The following CCDC85C variants were observed in gnomAD, a reference collection of about 807,000 sequenced individuals.
The protein encoded by CCDC85C is coiled-coil domain containing 85C, also known as coiled-coil domain-containing protein 85C.
CCDC85C carries 18 observed loss-of-function variants against 38.3 expected under a neutral mutation model. The observed-to-expected ratio is 0.47, with a 90% CI of 0.33 to 0.70. The LOEUF (loss-of-function observed/expected upper bound fraction) is 0.70, where lower values mean the gene tolerates loss of function less well. Ranked by LOEUF, CCDC85C falls within the 30% of genes least tolerant of loss-of-function variation. The pLI is 0.03. For missense variants in CCDC85C, 566 were observed against 621.2 expected (o/e 0.91, Z 0.94); for synonymous variants, 264 against 293.8 (o/e 0.90, Z 1.04).
rs1897011500 is a variant in CCDC85C, at chr14:99,507,754, CT to C, written c.*7491del. The C allele has an allele frequency of 6.5e-6, 1 of 153,600 alleles. No individual in the cohort carries two copies. Among genetic ancestry groups the C allele is most frequent in the Admixed American group, 6.4e-5 (1 of 15,538 alleles). The allele number at this position is 153,600 out of a possible 1,614,324, so 9.5% of individuals were successfully genotyped here. On this transcript the variant is annotated 3_prime_UTR_variant, in exon 6 of 6. Coordinates refer to ENST00000380243, the MANE Select transcript of CCDC85C (RefSeq NM_001144995.2). ...TGTGGCTACTAGGCTCCGGCCGCCC[CT>C]ACACCTGCTTCCTATTGGCAGTGTG...
rs1166763913 is a variant in CCDC85C, at chr14:99,576,037, A to G, written c.793+27130T>C. Among the ~76,000 whole-genome samples the G allele has an allele frequency of 2.6e-5, 4 of 151,960 alleles. No individual in the cohort carries two copies. The highest frequency in any genetic ancestry group is 9.7e-5 in the African/African-American group (4 of 41,350). On this transcript the variant is annotated intron_variant, in intron 1 of 5. Transcript: ENST00000380243. The surrounding 1 kb of genome is among the most constrained non-coding windows in gnomAD (Gnocchi z 4.8). ...CCGGGGGAAACCCGCTGCTGTGACC[A>G]CCCCACTCCTCCAAACCTCACCGAT...
Position 99,603,778 on chromosome 14 carries a change from T to C in CCDC85C, c.182A>G (p.Gln61Arg). ...GCCGCGGATCTCCAGCAGGTGCTGC[T>C]GCAGCCGCCGGTTCACGTCGCGCAT... ...GLMRDVNRRL[Q>R]QHLLEIRGLK... Residue 61 changes from glutamine to arginine, a missense_variant, in exon 1 of 6, where the codon CAG (glutamine) becomes CGG (arginine). Around this residue, in one of 3 missense-constraint regions of CCDC85C, gnomAD observed 269 missense variants for 308.2 expected, o/e 0.87. Transcript: ENST00000380243. The surrounding 1 kb of genome is among the most constrained non-coding windows in gnomAD (Gnocchi z 7.5). 6.6e-7 allele frequency: 1 copy of C among 1,526,236 alleles called. No individual in the cohort carries two copies. The highest frequency in any genetic ancestry group is 8.8e-7 in the Non-Finnish European group (1 of 1,142,744). 94.5% of individuals were successfully genotyped at this position (1,526,236 alleles called of 1,614,324 possible).
Position 99,532,212 on chromosome 14 carries a change from G to A in CCDC85C, c.867+3803C>T, listed in dbSNP as rs138902282. Among the ~76,000 whole-genome samples, 5 of 152,348 alleles carry A rather than the reference G, an allele frequency of 3.3e-5. No homozygotes were observed. In the East Asian group the frequency reaches 9.6e-4, roughly 29 times the overall value. Reference sequence around the variant, plus strand: ...CAGCCCAGGGACTGAGAGAGCTCAGGGCAAGCACCAGGCCACCTGTGGGTA... The same window carrying A: ...CAGCCCAGGGACTGAGAGAGCTCAGAGCAAGCACCAGGCCACCTGTGGGTA... On this transcript the variant is annotated intron_variant, in intron 2 of 5. Transcript: ENST00000380243.
chr14:99,591,734 CTTT>C (rs66657278), intron 1 of CCDC85C, among the ~76,000 whole-genome samples: 2 of 130,454 alleles, frequency 1.5e-5, no homozygotes, highest in Non-Finnish European at 1.6e-5. Context: ...GGTTTCTTTT[CTTT>C]TTTTTTTTTT....
chr14:99,546,670 T>C lies in CCDC85C; in HGVS notation c.794-10582A>G, dbSNP rs149933411. 3.5e-3 allele frequency among the ~76,000 whole-genome samples: 534 copies of C among 152,052 alleles called. 7 individuals carry two copies. Among genetic ancestry groups the C allele is most frequent in the African/African-American group, 0.012 (510 of 41,444 alleles). Reference sequence around the variant, plus strand: ...ACCAGACTCTACAGGAAAGATAACATAGCCACGTGGAGAGGCAAGGTGGAG... The same window carrying C: ...ACCAGACTCTACAGGAAAGATAACACAGCCACGTGGAGAGGCAAGGTGGAG... On this transcript the variant is annotated intron_variant, in intron 1 of 5. Transcript: ENST00000380243.
intron 2 of CCDC85C, among the ~76,000 whole-genome samples, chr14:99,524,627 T>C (rs1262575555): frequency 6.6e-6 from 1 of 152,242 alleles, no homozygotes; most frequent in African/African-American, 2.4e-5. Flanking sequence ...ATGTGACTAA[T>C]GGCGCATCAA....
At chr14:99,587,893 A>G (rs551311469) in intron 1 of CCDC85C, among the ~76,000 whole-genome samples, 54 of 152,256 alleles carry the variant, frequency 3.5e-4, no homozygotes, top group African/African-American at 1.2e-3. Flanking sequence ...AGCCACAGAA[A>G]TGTCTGCCAT....
intron 1 of CCDC85C, among the ~76,000 whole-genome samples, chr14:99,594,609 C>A (rs1028115567): frequency 3.9e-4 from 60 of 152,176 alleles, no homozygotes; most frequent in African/African-American, 1.4e-3. Flanking sequence ...ACTGAGTGAC[C>A]GATAGGAGGC....
chr14:99,551,453 G>A (rs1401631017), intron 1 of CCDC85C, among the ~76,000 whole-genome samples: 1 of 152,034 alleles, frequency 6.6e-6, no homozygotes, highest in Non-Finnish European at 1.5e-5. Context: ...AGGTGAGCAG[G>A]TGAATGAGTG....
chr14:99,529,687 AGCCACTGC>A (rs1422807779), intron 2 of CCDC85C, among the ~76,000 whole-genome samples: 1 of 152,262 alleles, frequency 6.6e-6, no homozygotes, highest in Non-Finnish European at 1.5e-5. Flanking sequence ...TACAGGCGTG[AGCCACTGC>A]GCCCAGCTGA....
rs1298136642 is a variant in CCDC85C at position 99,506,035 on chromosome 14, TAGA to T, written c.*9208_*9210del. The T allele has an allele frequency of 1.4e-5, 2 of 140,712 alleles. No individual in the cohort carries two copies. Among genetic ancestry groups the T allele is most frequent in the Admixed American group, 1.4e-4 (2 of 14,778 alleles). 8.7% of individuals were successfully genotyped at this position (140,712 alleles called of 1,614,324 possible). ...AGTTATAGGATACAGAGGCAAAAGGTAGAGTGTGAGGTGCTGATTGGTGGGTCT... is the reference window on the plus strand; with the variant it reads ...AGTTATAGGATACAGAGGCAAAAGGTGTGTGAGGTGCTGATTGGTGGGTCT... On this transcript the variant is annotated 3_prime_UTR_variant, in exon 6 of 6. Coordinates refer to ENST00000380243, the MANE Select transcript of CCDC85C (RefSeq NM_001144995.2).
In CCDC85C at chr14:99,510,557, CCCCCCA is replaced by C. The variant is rs1433464282; in HGVS notation, c.*4683_*4688del. 1 of 360,540 alleles carries C rather than the reference CCCCCCA, an allele frequency of 2.8e-6. No homozygotes were observed. Among genetic ancestry groups the C allele is most frequent in the Non-Finnish European group, 5.0e-6 (1 of 200,254 alleles). 22.3% of individuals were successfully genotyped at this position (360,540 alleles called of 1,614,324 possible). A position where few individuals can be genotyped will look rare whatever the true frequency, so the allele number is the denominator to read the frequency against. ...CCATCCCACCCCCTACTCCTGGCTA[CCCCCCA>C]CCCCCACCCACCTACAACCCCAACT... On this transcript the variant is annotated 3_prime_UTR_variant, in exon 6 of 6. Transcript: ENST00000380243.
At chr14:99,585,213 T>C (rs74083737) in intron 1 of CCDC85C, among the ~76,000 whole-genome samples, 6,332 of 152,348 alleles carry the variant, frequency 0.042, 162 homozygotes, top group Middle Eastern at 0.078. Flanking sequence ...CACAGTGGTA[T>C]GCAGAGACTC....
At chr14:99,519,405 C>T (rs1466535699) in intron 3 of CCDC85C, among the ~76,000 whole-genome samples, 2 of 151,816 alleles carry the variant, frequency 1.3e-5, no homozygotes, top group Non-Finnish European at 2.9e-5. Context: ...GCGTGAGCCA[C>T]TGAGCCTGGC....
In CCDC85C at chr14:99,507,119, A is replaced by G. The variant is rs1452854368; in HGVS notation, c.*8127T>C. Reference sequence around the variant, plus strand: ...TCCCCAAAATTGAGACCACTCATCCACCGTTGCCTCCAGCCCACCCACCTC... The same window carrying G: ...TCCCCAAAATTGAGACCACTCATCCGCCGTTGCCTCCAGCCCACCCACCTC... On this transcript the variant is annotated 3_prime_UTR_variant, in exon 6 of 6. Coordinates refer to ENST00000380243, the MANE Select transcript of CCDC85C (RefSeq NM_001144995.2). 1.2e-6 allele frequency: 2 copies of G among 1,612,160 alleles called. No homozygotes were observed.
At chr14:99,538,413 C>T (rs549141070) in intron 1 of CCDC85C, among the ~76,000 whole-genome samples, 111 of 152,354 alleles carry the variant, frequency 7.3e-4, no homozygotes, top group South Asian at 2.9e-3. Context: ...ATCCTCAGCA[C>T]GGCCACAGGG....
intron 1 of CCDC85C, among the ~76,000 whole-genome samples, chr14:99,554,611 C>T (rs1897976300): frequency 6.6e-6 from 1 of 152,188 alleles, no homozygotes; most frequent in Non-Finnish European, 1.5e-5. Flanking sequence ...AATGGGAAGC[C>T]ACCACCCACA....
At chr14:99,599,288 C>T (rs944301841) in intron 1 of CCDC85C, among the ~76,000 whole-genome samples, 3 of 152,056 alleles carry the variant, frequency 2.0e-5, no homozygotes, top group Admixed American at 1.3e-4. Context: ...CACAGGCTTG[C>T]TAGAATCCTA....
intron 1 of CCDC85C, among the ~76,000 whole-genome samples, chr14:99,557,594 G>T (rs1898036512): frequency 6.6e-6 from 1 of 152,246 alleles, no homozygotes; most frequent in Admixed American, 6.5e-5. Flanking sequence ...CAGGCTAGAA[G>T]GAGACAATGG....
Sources: gnomAD v4.1 joint callset for allele counts (sites outside exome capture counted in the v4.1 genomes callset) on GRCh38, gnomAD v4.1.1 for gene constraint, gnomAD v4.1.1 regional missense constraint, Gnocchi (gnomAD v3.1) non-coding constraint, MANE v1.5 for transcripts, NCBI Gene and HGNC (gene_info 2026-07-23, HGNC 2026-07-21) for gene names.